The following TMEM272 variants were observed in gnomAD, a reference collection of about 807,000 sequenced individuals.
TMEM272 encodes transmembrane protein 272.
Under a neutral mutation model 3.7 loss-of-function variants are expected in TMEM272, and 8 were observed. The ratio of observed to expected loss-of-function variants is 2.17; its 90% CI spans 1.27 to 3.91. The LOEUF (loss-of-function observed/expected upper bound fraction) is 3.91, where lower values mean the gene tolerates loss of function less well. Ranked by LOEUF, TMEM272 falls within the 30% of genes most tolerant of loss-of-function variation. The pLI is 0.00. For synonymous variants in TMEM272, 63 were observed against 39.8 expected, an observed-to-expected ratio of 1.58 and a Z score of -2.20; for missense variants, 166 against 91.5, an observed-to-expected ratio of 1.81 and a Z score of -3.32.
the TMEM272 span, among the ~76,000 whole-genome samples, chr13:51,879,775 G>A: frequency 6.6e-6 from 1 of 152,194 alleles, no homozygotes; most frequent in Non-Finnish European, 1.5e-5. Context: ...TTAAAATACA[G>A]TGGGAGGATA....
the TMEM272 span, among the ~76,000 whole-genome samples, chr13:51,860,022 A>G: frequency 6.6e-6 from 1 of 151,928 alleles, no homozygotes; most frequent in Admixed American, 6.6e-5. Flanking sequence ...CCTTCCAAGC[A>G]GCTGGGACTA....
intron 2 of TMEM272, among the ~76,000 whole-genome samples, chr13:51,835,228 C>CTTT (rs202151711): frequency 8.3e-5 from 6 of 72,442 alleles, no homozygotes; most frequent in Non-Finnish European, 1.6e-4. Flanking sequence ...TATTTTCTTT[C>CTTT]TTTTTTTTTT....
At chr13:51,880,883 T>A in the TMEM272 span, among the ~76,000 whole-genome samples, 83 of 152,106 alleles carry the variant, frequency 5.5e-4, 1 homozygote, top group South Asian at 0.017. Flanking sequence ...ATCTCACAAA[T>A]CCCCACTACA....
chr13:51,876,852 A>T, the TMEM272 span, among the ~76,000 whole-genome samples: 1 of 152,194 alleles, frequency 6.6e-6, no homozygotes, highest in Admixed American at 6.5e-5. Context: ...TTTGAAGAGT[A>T]CTTTGTTGGG....
chr13:51,924,195 C>T, the TMEM272 span, among the ~76,000 whole-genome samples: 4 of 152,236 alleles, frequency 2.6e-5, no homozygotes, highest in East Asian at 5.8e-4. Flanking sequence ...TAGAGGTTGG[C>T]GCCCTATTCA....
At chr13:51,895,227 T>C in the TMEM272 span, among the ~76,000 whole-genome samples, 1 of 152,116 alleles carries the variant, frequency 6.6e-6, no homozygotes, top group Non-Finnish European at 1.5e-5. Flanking sequence ...AAAAAGGAAC[T>C]TGGGTCAGCC....
chr13:51,920,785 T>C, the TMEM272 span, among the ~76,000 whole-genome samples: 1,490 of 152,370 alleles, frequency 9.8e-3, 19 homozygotes, highest in Non-Finnish European at 0.015. Context: ...CACTAGAATG[T>C]AAACTCATGA....
chr13:51,874,659 C>T, the TMEM272 span, among the ~76,000 whole-genome samples: 2 of 152,194 alleles, frequency 1.3e-5, no homozygotes, highest in Non-Finnish European at 2.9e-5. Flanking sequence ...GGATCCCGTT[C>T]TGAAGATCAC....
chr13:51,876,028 T>C, the TMEM272 span, among the ~76,000 whole-genome samples: 1 of 152,352 alleles, frequency 6.6e-6, no homozygotes, highest in East Asian at 1.9e-4. Context: ...GGATCTCTTT[T>C]TCTAAGTTGG....
chr13:51,833,751 T>C (rs1014367342), intron 2 of TMEM272, among the ~76,000 whole-genome samples: 7 of 152,316 alleles, frequency 4.6e-5, no homozygotes, highest in Non-Finnish European at 1.0e-4. Flanking sequence ...AGATTTTCAG[T>C]TGTTCATGTA....
intron 3 of TMEM272, among the ~76,000 whole-genome samples, chr13:51,824,267 G>T (rs1347343310): frequency 1.3e-5 from 2 of 152,162 alleles, no homozygotes; most frequent in Non-Finnish European, 2.9e-5. Flanking sequence ...TGTCTGATCT[G>T]CAGTATCACG....
chr13:51,914,899 G>T, the TMEM272 span, among the ~76,000 whole-genome samples: 1 of 152,198 alleles, frequency 6.6e-6, no homozygotes, highest in Non-Finnish European at 1.5e-5. Context: ...TGTGATTTCG[G>T]CTGTTACTTA....
chr13:51,891,690 G>A, the TMEM272 span, among the ~76,000 whole-genome samples: 8,658 of 152,276 alleles, frequency 0.057, 292 homozygotes, highest in Middle Eastern at 0.11. Context: ...GGGGTGGGTT[G>A]CAGGAGAGGG....
chr13:51,880,269 T>C, the TMEM272 span, among the ~76,000 whole-genome samples: 1 of 88,402 alleles, frequency 1.1e-5, no homozygotes, highest in Non-Finnish European at 2.2e-5. Context: ...ATTCAATTCC[T>C]TTCACCAAAA....
the TMEM272 span, among the ~76,000 whole-genome samples, chr13:51,881,221 A>T: frequency 6.6e-6 from 1 of 152,194 alleles, no homozygotes. Flanking sequence ...CTCTTCTGGA[A>T]AGGAGGTAAA....
the TMEM272 span, among the ~76,000 whole-genome samples, chr13:51,896,977 G>A: frequency 2.0e-4 from 30 of 152,284 alleles, no homozygotes; most frequent in African/African-American, 7.2e-4. Context: ...CATGTACACC[G>A]TCAGAAGACA....
At chr13:51,913,901 T>C in the TMEM272 span, among the ~76,000 whole-genome samples, 2 of 152,154 alleles carry the variant, frequency 1.3e-5, no homozygotes, top group Admixed American at 6.5e-5. Context: ...TTTGGGTGCA[T>C]TTGGGAGGAC....
chr13:51,898,997 A>T, the TMEM272 span, among the ~76,000 whole-genome samples: 1 of 152,094 alleles, frequency 6.6e-6, no homozygotes, highest in South Asian at 2.1e-4. Context: ...CACCTTCTAG[A>T]GACTGTCTAG....
chr13:51,830,617 T>C (rs1321030901), intron 2 of TMEM272, among the ~76,000 whole-genome samples: 3 of 152,314 alleles, frequency 2.0e-5, no homozygotes, highest in Admixed American at 2.0e-4. Flanking sequence ...GCCATTATCA[T>C]TACTATTATT....
Sources: gnomAD v4.1 joint callset for allele counts (sites outside exome capture counted in the v4.1 genomes callset) on GRCh38, gnomAD v4.1.1 for gene constraint, MANE v1.5 for transcripts, NCBI Gene and HGNC (gene_info 2026-07-23, HGNC 2026-07-21) for gene names.